Variants in PARP12 observed in about 807,000 individuals in gnomAD.
PARP12 encodes poly(ADP-ribose) polymerase family member 12, also known as protein mono-ADP-ribosyltransferase PARP12.
In PARP12, 59 loss-of-function variants were observed where a neutral mutation model predicts 72.4. The observed-to-expected ratio is 0.81, with a 90% confidence interval of 0.66 to 1.01. The LOEUF (loss-of-function observed/expected upper bound fraction) is 1.01, where lower values mean the gene tolerates loss of function less well. PARP12 is among the 50% of genes least tolerant of loss of function. The pLI is 0.00. For missense variants in PARP12, 851 were observed against 914.0 expected (o/e 0.93, Z 0.89); for synonymous variants, 403 against 371.4 (o/e 1.09, Z -0.98).
chr7:140,028,749 TA>T (rs1191230898), intron 8 of PARP12, 61 bp from the exon 9 acceptor site: 1 of 1,427,616 alleles, frequency 7.0e-7, no homozygotes. Flanking sequence ...AAATATACCA[TA>T]GGTGGTCTCT....
chr7:140,030,758 T>A (rs1417501144), intron 8 of PARP12, among the ~76,000 whole-genome samples: 1 of 152,246 alleles, frequency 6.6e-6, no homozygotes, highest in Admixed American at 6.5e-5. Flanking sequence ...CCAACACAAA[T>A]CTGTAAACTT....
chr7:140,062,641 G>T lies in PARP12; in HGVS notation c.207C>A (p.Ala69=). The change falls in exon 1 of 12, where the codon GCC becomes GCA. Residue 69 remains alanine (A), a synonymous_variant. Coordinates refer to ENST00000263549, the MANE Select transcript of PARP12 (RefSeq NM_022750.4). ...GCGCGCGACACAGGCGCAGCGGCGA[G>T]GCGGCCAGCACCACGCGCTCCGGGG... ...AAAPERVVLA[A]SPLRLCRAHQ... 1 of 1,473,708 alleles carries T rather than the reference G, an allele frequency of 6.8e-7. No homozygotes were observed. Among genetic ancestry groups the T allele is most frequent in the Non-Finnish European group, 9.0e-7 (1 of 1,115,002 alleles). The allele number at this position is 1,473,708 out of a possible 1,614,324, so 91.3% of individuals were successfully genotyped here.
intron 4 of PARP12, among the ~76,000 whole-genome samples, chr7:140,049,413 AG>A (rs1439211415): frequency 2.0e-5 from 3 of 152,220 alleles, no homozygotes; most frequent in African/African-American, 7.2e-5. Context: ...AAAGACAAAT[AG>A]CTATGGTCCA....
intron 8 of PARP12, among the ~76,000 whole-genome samples, chr7:140,030,617 G>GCATACATACATGCATA (rs1815904986): frequency 6.6e-6 from 1 of 152,198 alleles, no homozygotes; most frequent in Middle Eastern, 3.4e-3. Flanking sequence ...ATACATACAT[G>GCATACATACATGCATA]CATACATACA....
chr7:140,041,915 T>A, intron 5 of PARP12, 76 bp from the exon 6 acceptor site: 1 of 1,246,136 alleles, frequency 8.0e-7, no homozygotes, highest in African/African-American at 1.5e-5. Flanking sequence ...TGAGAACATA[T>A]AGCTGGGAGA....
intron 1 of PARP12, 102 bp from the exon 2 acceptor site, chr7:140,058,136 GAAAGAAGGTCTCT>G (rs888300900): frequency 1.5e-6 from 2 of 1,335,748 alleles, no homozygotes; most frequent in African/African-American, 2.9e-5. Flanking sequence ...GCTCTATTTG[GAAAGAAGGTCTCT>G]AAAGAGGTAA....
chr7:140,055,879 T>A (rs948629739), intron 3 of PARP12, among the ~76,000 whole-genome samples: 3 of 152,258 alleles, frequency 2.0e-5, no homozygotes, highest in Non-Finnish European at 2.9e-5. Context: ...GGTGCTTTTG[T>A]TTGCAGGTAG....
intron 4 of PARP12, among the ~76,000 whole-genome samples, chr7:140,047,997 G>A (rs1816805290): frequency 6.6e-6 from 1 of 152,134 alleles, no homozygotes; most frequent in Non-Finnish European, 1.5e-5. Context: ...TTATGCGAAG[G>A]TCAAAGGTCT....
Position 140,030,195 on chromosome 7 carries a change from A to G in PARP12, c.1422-1507T>C, listed in dbSNP as rs191964321. On this transcript the variant is annotated intron_variant, in intron 8 of 11. Transcript: ENST00000263549. ...CAACAGGCAATTTCTCAAAAGCAAC[A>G]GTGGAAGCCAGAATACAGTGGAGTG... Among the ~76,000 whole-genome samples, 375 of 152,372 alleles carry G rather than the reference A, an allele frequency of 2.5e-3. 6 individuals are homozygous for G. Among genetic ancestry groups the G allele is most frequent in the Non-Finnish European group, 2.0e-3 (138 of 68,038 alleles).
chr7:140,062,119 A>T (rs999537277), intron 1 of PARP12, among the ~76,000 whole-genome samples: 4 of 152,050 alleles, frequency 2.6e-5, no homozygotes, highest in African/African-American at 9.7e-5. Flanking sequence ...CTGGGTTTAA[A>T]GATCTCTACC....
At chr7:140,043,484 A>G (rs946972051) in intron 5 of PARP12, among the ~76,000 whole-genome samples, 3 of 151,742 alleles carry the variant, frequency 2.0e-5, no homozygotes, top group Admixed American at 1.3e-4. Flanking sequence ...TTTCTCCTCC[A>G]CTCCCTCCAA....
chr7:140,041,943 G>T, intron 5 of PARP12, 104 bp from the exon 6 acceptor site: 1 of 986,602 alleles, frequency 1.0e-6, no homozygotes, highest in East Asian at 2.4e-5. Flanking sequence ...AGTAAATGTG[G>T]CATGCACATT....
At chr7:140,042,097 A>G (rs907963216) in intron 5 of PARP12, among the ~76,000 whole-genome samples, 1 of 152,228 alleles carries the variant, frequency 6.6e-6, no homozygotes, top group Non-Finnish European at 1.5e-5. Context: ...TGGTGAAATC[A>G]TTCTTTTTTA....
Position 140,053,977 on chromosome 7 carries a change from A to G in PARP12, c.862+685T>C, listed in dbSNP as rs190138445. Reference sequence around the variant, plus strand: ...TATTACTGAACTGTTTTACAGAGTGAAAGTATTCATTAATTGCTTGGGTAA... The same window carrying G: ...TATTACTGAACTGTTTTACAGAGTGGAAGTATTCATTAATTGCTTGGGTAA... On this transcript the variant is annotated intron_variant, in intron 4 of 11. Coordinates refer to ENST00000263549, the MANE Select transcript of PARP12 (RefSeq NM_022750.4). Among the ~76,000 whole-genome samples, 216 of 152,350 alleles carry G rather than the reference A, an allele frequency of 1.4e-3. 1 individual carries two copies. Among genetic ancestry groups the G allele is most frequent in the Non-Finnish European group, 2.4e-3 (161 of 68,040 alleles).
intron 9 of PARP12, 68 bp from the exon 10 acceptor site, chr7:140,027,474 A>G (rs1815780826): frequency 1.3e-6 from 2 of 1,577,186 alleles, no homozygotes; most frequent in Non-Finnish European, 1.7e-6. Flanking sequence ...CCCTTCCCAA[A>G]GCTTCTTGTA....
chr7:140,034,043 G>A (rs889057914), intron 8 of PARP12, 192 bp downstream of exon 8: 12 of 1,238,780 alleles, frequency 9.7e-6, no homozygotes, highest in African/African-American at 1.6e-5. Context: ...TATGCATCAC[G>A]AAGCTTCTAC....
intron 5 of PARP12, among the ~76,000 whole-genome samples, chr7:140,045,213 T>A (rs1816667446): frequency 6.6e-6 from 1 of 152,028 alleles, no homozygotes; most frequent in South Asian, 2.1e-4. Flanking sequence ...TAAAAATTTT[T>A]GTAGAGACAA....
At chr7:140,029,053 T>C (rs1294238550) in intron 8 of PARP12, 1 of 155,140 alleles carries the variant, frequency 6.4e-6, no homozygotes, top group Non-Finnish European at 1.4e-5. Context: ...AAGGCCTCGA[T>C]GAGGTATAAT....
intron 5 of PARP12, among the ~76,000 whole-genome samples, 161 bp downstream of exon 5, chr7:140,046,721 AGT>A (rs9340757): frequency 0.23 from 30,562 of 135,164 alleles, 3,523 homozygotes; most frequent in East Asian, 0.3. Flanking sequence ...GGTGGCTCAC[AGT>A]GTGTGTGTGT....
Sources: gnomAD v4.1 joint callset for allele counts (sites outside exome capture counted in the v4.1 genomes callset) on GRCh38, gnomAD v4.1.1 for gene constraint, MANE v1.5 for transcripts, NCBI Gene and HGNC (gene_info 2026-07-23, HGNC 2026-07-21) for gene names.